The following SKAP1 variants were observed in gnomAD, a reference collection of about 807,000 sequenced individuals.
SKAP1 encodes the protein src kinase associated phosphoprotein 1.
Under a neutral mutation model 58.5 loss-of-function variants are expected in SKAP1, and 44 were observed. The ratio of observed to expected loss-of-function variants is 0.75; its 90% CI spans 0.59 to 0.97. The LOEUF (loss-of-function observed/expected upper bound fraction) is 0.97. Among genes scored for constraint, SKAP1 ranks in the 50% least tolerant of loss-of-function variants. The probability of loss-of-function intolerance (pLI) is 0.00; values close to 1 mark genes in which losing one functional copy is unlikely to be tolerated. For synonymous variants in SKAP1, 127 were observed against 149.7 expected, an observed-to-expected ratio of 0.85 and a Z score of 1.11; for missense variants, 390 against 435.2, an observed-to-expected ratio of 0.90 and a Z score of 0.92.
At position 48,303,224 on chromosome 17, in the gene SKAP1, T is replaced by A. The variant is rs2066086264; in HGVS notation, c.280+42681A>T. 1.3e-5 allele frequency among the ~76,000 whole-genome samples: 2 copies of A among 152,308 alleles called. 1 individual carries two copies. On this transcript the variant is annotated intron_variant, in intron 4 of 12. Coordinates refer to ENST00000336915, the MANE Select transcript of SKAP1 (RefSeq NM_003726.4). ...CAACTTTAAATTTGCTTTCTGGTTA[T>A]GCTAAGACATTACCAGGTGATGAGC...
Position 48,170,612 on chromosome 17 carries a change from CT to C in SKAP1, c.873del (p.Gly292GlufsTer2). ...GTGCATTTAGAAGCTCTTATACCTC[CT>C]TTTCGTCGAGTGCCACTCTCATCCT... ...LEEDESGTRR[K>X]GVDYASYYQG... On this transcript the variant is annotated frameshift_variant, in exon 10 of 13. Transcript: ENST00000336915. LOFTEE classifies it high-confidence loss of function. 1 of 1,613,770 alleles carries C rather than the reference CT, an allele frequency of 6.2e-7. No homozygotes were observed. Among genetic ancestry groups the C allele is most frequent in the Non-Finnish European group, 8.5e-7 (1 of 1,179,750 alleles).
chr17:48,349,592 G>T (rs1308110550), intron 3 of SKAP1, among the ~76,000 whole-genome samples: 1 of 152,156 alleles, frequency 6.6e-6, no homozygotes. Context: ...CTATTAGCAG[G>T]TAATTTGCTC....
At chr17:48,298,117 A>G (rs375758232) in intron 4 of SKAP1, among the ~76,000 whole-genome samples, 1 of 152,212 alleles carries the variant, frequency 6.6e-6, no homozygotes, top group African/African-American at 2.4e-5. Flanking sequence ...TTATCTTTTA[A>G]AAGTTTCCCT....
At chr17:48,245,689 T>C (rs1476713698) in intron 4 of SKAP1, among the ~76,000 whole-genome samples, 3 of 152,116 alleles carry the variant, frequency 2.0e-5, no homozygotes, top group African/African-American at 4.8e-5. Flanking sequence ...AAATGTACAA[T>C]AAGAGGCCGG....
chr17:48,360,788 G>A (rs17623518), intron 3 of SKAP1, among the ~76,000 whole-genome samples: 12,356 of 152,004 alleles, frequency 0.081, 648 homozygotes, highest in East Asian at 0.2. Context: ...ATAAAAAAAC[G>A]CAGGTGGAAA....
chr17:48,368,386 CAG>C (rs1567886224), intron 2 of SKAP1, among the ~76,000 whole-genome samples: 1 of 152,156 alleles, frequency 6.6e-6, no homozygotes, highest in Non-Finnish European at 1.5e-5. Flanking sequence ...CTCTGTTAGC[CAG>C]AGAGTCCAAC....
intron 11 of SKAP1, among the ~76,000 whole-genome samples, chr17:48,142,589 T>C (rs1598357491): frequency 6.6e-6 from 1 of 152,338 alleles, no homozygotes; most frequent in South Asian, 2.1e-4. Context: ...CTCCAAGATA[T>C]TCCCCTGGTG....
intron 2 of SKAP1, among the ~76,000 whole-genome samples, chr17:48,378,228 G>A (rs561762005): frequency 6.6e-6 from 1 of 152,226 alleles, no homozygotes; most frequent in East Asian, 1.9e-4. Flanking sequence ...ACTCTCCTCA[G>A]TGCTGATGAA....
chr17:48,140,683 G>A (rs1448614964), intron 11 of SKAP1, among the ~76,000 whole-genome samples: 1 of 151,968 alleles, frequency 6.6e-6, no homozygotes, highest in African/African-American at 2.4e-5. Context: ...CTATCTCAGT[G>A]AGTTGTACTA....
chr17:48,407,665 C>T (rs1234413605), intron 1 of SKAP1, among the ~76,000 whole-genome samples: 4 of 152,078 alleles, frequency 2.6e-5, no homozygotes, highest in South Asian at 2.1e-4. Context: ...TCGAGACCAG[C>T]GTGGGCAACA....
intron 1 of SKAP1, among the ~76,000 whole-genome samples, chr17:48,398,185 T>C (rs1260321382): frequency 6.6e-6 from 1 of 152,200 alleles, no homozygotes; most frequent in Admixed American, 6.5e-5. Flanking sequence ...AAGCTTCATC[T>C]GTATTTACAG....
intron 4 of SKAP1, chr17:48,204,428 A>C (rs1219063368): frequency 1.3e-5 from 2 of 151,916 alleles, no homozygotes; most frequent in East Asian, 3.9e-4. Flanking sequence ...TTAAGCTCCA[A>C]ATCCAGTTTT....
chr17:48,374,158 TTGAG>T (rs1358020601), intron 2 of SKAP1, among the ~76,000 whole-genome samples: 1 of 151,954 alleles, frequency 6.6e-6, no homozygotes, highest in Non-Finnish European at 1.5e-5. Flanking sequence ...CCTTAGCTTC[TTGAG>T]TATCTGGGAC....
chr17:48,137,052 T>G, intron 12 of SKAP1, 177 bp downstream of exon 12: 1 of 524,598 alleles, frequency 1.9e-6, no homozygotes, highest in Non-Finnish European at 3.4e-6. Context: ...GTCCCCAAAT[T>G]TAAGAAAAAA....
chr17:48,430,233 G>A (rs578126985), upstream of SKAP1: 1,256 of 633,216 alleles, frequency 2.0e-3, 19 homozygotes, highest in African/African-American at 0.023. Flanking sequence ...CGCGGTCGCC[G>A]CCCGCCCAGC....
At chr17:48,370,158 G>A (rs906978242) in intron 2 of SKAP1, among the ~76,000 whole-genome samples, 1 of 151,998 alleles carries the variant, frequency 6.6e-6, no homozygotes, top group Non-Finnish European at 1.5e-5. Flanking sequence ...AAAAAACAAC[G>A]CCATTAAAAA....
chr17:48,430,057 C>A lies in SKAP1; in HGVS notation c.46+18G>T. ...GCCTTCGGCTCAGCACTGGAGGGGG[C>A]CTGCGCCAGGGCGTTACCTTCCAGG... is the stretch of plus-strand genomic sequence containing the variant. On this transcript the variant is annotated intron_variant, in intron 1 of 12. Coordinates refer to ENST00000336915, the MANE Select transcript of SKAP1 (RefSeq NM_003726.4). The A allele has an allele frequency of 7.9e-7, 1 of 1,262,692 alleles. No homozygotes were observed. Among genetic ancestry groups the A allele is most frequent in the Non-Finnish European group, 1.0e-6 (1 of 996,276 alleles). The allele number at this position is 1,262,692 out of a possible 1,614,324, so 78.2% of individuals were successfully genotyped here.
At chr17:48,292,338 T>TA (rs888879153) in intron 4 of SKAP1, among the ~76,000 whole-genome samples, 9 of 151,932 alleles carry the variant, frequency 5.9e-5, no homozygotes, top group East Asian at 1.9e-4. Flanking sequence ...CTAACATTTG[T>TA]AAAAAAAACC....
intron 4 of SKAP1, among the ~76,000 whole-genome samples, chr17:48,246,972 T>A (rs1407869688): frequency 1.3e-5 from 2 of 152,196 alleles, no homozygotes; most frequent in East Asian, 3.8e-4. Context: ...AGAAGGAAAT[T>A]AAACAACCTT....
Sources: gnomAD v4.1 joint callset for allele counts (sites outside exome capture counted in the v4.1 genomes callset) on GRCh38, gnomAD v4.1.1 for gene constraint, MANE v1.5 for transcripts, NCBI Gene and HGNC (gene_info 2026-07-23, HGNC 2026-07-21) for gene names.